ADGRB1: variants seen among roughly 807,000 people sequenced by gnomAD.
ADGRB1 encodes the protein brain-specific angiogenesis inhibitor 1.
Under a neutral mutation model 175.7 loss-of-function variants are expected in ADGRB1, and 36 were observed. That is an observed-to-expected ratio of 0.20 (90% CI 0.16 to 0.27). The LOEUF (loss-of-function observed/expected upper bound fraction) is 0.27, where lower values mean the gene tolerates loss of function less well. ADGRB1 is among the 10% of genes least tolerant of loss of function. ADGRB1 has a pLI of 1.00. For synonymous variants in ADGRB1, 1,054 were observed against 979.4 expected (o/e 1.08, Z -1.42); for missense variants, 1,731 against 2,255.3 (o/e 0.77, Z 4.71).
At position 142,464,482 on chromosome 8, in the gene ADGRB1, G is replaced by A; in HGVS notation, c.284G>A (p.Gly95Asp). The A allele has an allele frequency of 6.3e-7, 1 of 1,581,328 alleles. No individual in the cohort carries two copies. The highest frequency in any genetic ancestry group is 8.6e-7 in the Non-Finnish European group (1 of 1,168,402). Residue 95 changes from glycine to aspartate, a missense_variant, in exon 2 of 31, where the codon GGC (glycine) becomes GAC (aspartate). Around this residue, in one of 8 missense-constraint regions of ADGRB1, gnomAD observed 383 missense variants for 383.1 expected, o/e 1.00. Transcript: ENST00000517894. ...GCCAAGGCGCCCGTGCCCTGCAGCG[G>A]CCCCGGCCGCGTGCGCACCTACCAG... ...KVAKAPVPCS[G>D]PGRVRTYQFD...
At chr8:142,524,393 C>T (rs2132149642) in intron 23 of ADGRB1, 89 bp downstream of exon 23, 1 of 1,353,710 alleles carries the variant, frequency 7.4e-7, no homozygotes, top group South Asian at 1.4e-5. Flanking sequence ...ATGCCCCAGG[C>T]TGTGCACCTG....
rs1841029884 is a variant in ADGRB1 at position 142,477,261 on chromosome 8, A to G, written c.1205A>G (p.Asn402Ser). 6.4e-7 allele frequency: 1 copy of G among 1,573,880 alleles called. No homozygotes were observed. The highest frequency in any genetic ancestry group is 8.6e-7 in the Non-Finnish European group (1 of 1,161,108). ...CTGCGCGAGCAGCGGCTGTGCAACA[A>G]CTCTGCCGTGTGCCCAGGTGGGTGG... ...GPLREQRLCN[N>S]SAVCPVHGAW... is the part of the protein sequence containing the mutation. The change falls in exon 5 of 31, where the codon AAC (asparagine) becomes AGC (serine). Residue 402 changes from asparagine (N) to serine (S), a missense_variant. Around this residue, in one of 8 missense-constraint regions of ADGRB1, gnomAD observed 178 missense variants for 227.8 expected, o/e 0.78. Coordinates refer to ENST00000517894, the MANE Select transcript of ADGRB1 (RefSeq NM_001702.3).
At chr8:142,539,481 G>T (rs1009200246) in intron 27 of ADGRB1, 68 bp downstream of exon 27, 1 of 1,550,844 alleles carries the variant, frequency 6.4e-7, no homozygotes, top group East Asian at 2.4e-5. Context: ...CCACGCCTCC[G>T]CCTGTGCCTC....
At chr8:142,544,106 CCCCA>C in intron 30 of ADGRB1, 110 bp from the exon 31 acceptor site, 1 of 1,153,148 alleles carries the variant, frequency 8.7e-7, no homozygotes, top group Non-Finnish European at 1.2e-6. Context: ...GTCCCCTGTC[CCCCA>C]CCTCCCGTCC....
chr8:142,464,741 C>T lies in ADGRB1; in HGVS notation c.543C>T (p.Pro181=). 6.5e-7 allele frequency: 1 copy of T among 1,534,384 alleles called. No individual in the cohort carries two copies. ...VEYLVVGNRN[P]SRAACQMLCR... is the part of the protein sequence containing the mutation. ...ACCTGGTGGTGGGGAACCGCAACCC[C>T]AGCCGTGCCGCCTGCCAGATGCTGT... The change falls in exon 2 of 31, where the codon CCC becomes CCT. Residue 181 remains proline, a synonymous_variant. Coordinates refer to ENST00000517894, the MANE Select transcript of ADGRB1 (RefSeq NM_001702.3).
Position 142,475,495 on chromosome 8 carries a change from T to A in ADGRB1, c.806T>A (p.Leu269Gln). The A allele has an allele frequency of 1.5e-6, 2 of 1,295,554 alleles. No individual in the cohort carries two copies. Among genetic ancestry groups the A allele is most frequent in the Non-Finnish European group, 2.0e-6 (2 of 1,020,444 alleles). The allele number at this position is 1,295,554 out of a possible 1,614,324, so 80.3% of individuals were successfully genotyped here. Residue 269 changes from leucine to glutamine, a missense_variant, in exon 3 of 31, where the codon CTG becomes CAG. Coordinates refer to ENST00000517894, the MANE Select transcript of ADGRB1 (RefSeq NM_001702.3). The part of the protein sequence containing the change: ...GATGGWKLWS[L>Q]WGECTRDCGG... ...CCAGGCGGCTGGAAGCTGTGGTCCC[T>A]GTGGGGCGAATGCACGCGGGACTGC...
chr8:142,478,071 C>A, intron 6 of ADGRB1, 116 bp from the exon 7 acceptor site: 1 of 1,407,972 alleles, frequency 7.1e-7, no homozygotes, highest in Non-Finnish European at 9.7e-7. Flanking sequence ...GTGTTCTCAT[C>A]TATGTCCCAG....
chr8:142,481,162 G>A, intron 9 of ADGRB1, 92 bp from the exon 10 acceptor site: 1 of 1,195,048 alleles, frequency 8.4e-7, no homozygotes, highest in South Asian at 1.2e-5. Flanking sequence ...GGGCCACAGG[G>A]TCCCTTCCAG....
chr8:142,482,705 G>T (rs1841427239), intron 11 of ADGRB1, among the ~76,000 whole-genome samples: 2 of 147,812 alleles, frequency 1.4e-5, no homozygotes, highest in Non-Finnish European at 3.0e-5. Context: ...GTCACACACT[G>T]AGCCCTGATC....
intron 2 of ADGRB1, among the ~76,000 whole-genome samples, chr8:142,470,776 G>T (rs1401625273): frequency 6.6e-6 from 1 of 152,110 alleles, no homozygotes; most frequent in Non-Finnish European, 1.5e-5. Context: ...CCACGGAGAT[G>T]GGGTGACCTC....
rs180825299 is a variant in ADGRB1, at chr8:142,500,517, C to T, written c.2675+9702C>T. On this transcript the variant is annotated intron_variant, in intron 17 of 30. Transcript: ENST00000517894. The stretch of plus-strand genomic sequence containing the variant: ...GGGGCGGCTGCAGGGGTCCAGGCCA[C>T]GGGGATGGGCCTGGAAGGCCGTGAG... Among the ~76,000 whole-genome samples, 41 of 151,414 alleles carry T rather than the reference C, an allele frequency of 2.7e-4. No homozygotes were observed. In the East Asian group the frequency reaches 6.9e-3, roughly 25 times the overall value.
At chr8:142,477,696 G>A in intron 6 of ADGRB1, 147 bp downstream of exon 6, 2 of 1,163,148 alleles carry the variant, frequency 1.7e-6, no homozygotes, top group Admixed American at 2.8e-5. Flanking sequence ...ACTGGGTTTA[G>A]GAAGCAGACT....
intron 17 of ADGRB1, among the ~76,000 whole-genome samples, chr8:142,502,973 G>C (rs2131990500): frequency 6.6e-6 from 1 of 151,960 alleles, no homozygotes; most frequent in Admixed American, 6.5e-5. Flanking sequence ...TGGTGGTAAT[G>C]ATGGTGTTGA....
At chr8:142,536,887 C>G (rs1844958463) in intron 25 of ADGRB1, 100 bp from the exon 26 acceptor site, 3 of 1,042,024 alleles carry the variant, frequency 2.9e-6, no homozygotes, top group Non-Finnish European at 4.1e-6. Context: ...CTGCCCTTCC[C>G]CGAGACGCCC....
At chr8:142,463,737 G>C (rs1468976619) in intron 1 of ADGRB1, among the ~76,000 whole-genome samples, 1 of 152,274 alleles carries the variant, frequency 6.6e-6, no homozygotes, top group Non-Finnish European at 1.5e-5. Context: ...GGGTGGAGGC[G>C]GAGGTACTTT....
intron 18 of ADGRB1, among the ~76,000 whole-genome samples, chr8:142,516,989 G>T (rs1389025761): frequency 6.6e-6 from 1 of 152,200 alleles, no homozygotes; most frequent in African/African-American, 2.4e-5. Flanking sequence ...CATGGGGTCG[G>T]GAATGGCAGG....
chr8:142,513,749 C>G (rs1029727426), intron 18 of ADGRB1, among the ~76,000 whole-genome samples: 2 of 152,000 alleles, frequency 1.3e-5, no homozygotes, highest in African/African-American at 4.8e-5. Context: ...GAGGGGTGTG[C>G]AGGAGTTTAC....
At chr8:142,451,652 G>GACACAA (rs976048281) in intron 1 of ADGRB1, among the ~76,000 whole-genome samples, 7 of 152,094 alleles carry the variant, frequency 4.6e-5, no homozygotes, top group African/African-American at 1.7e-4. Flanking sequence ...TCTCCCCACA[G>GACACAA]ACACAAACAC....
chr8:142,457,152 G>A (rs1486933518), intron 1 of ADGRB1, among the ~76,000 whole-genome samples: 1 of 152,190 alleles, frequency 6.6e-6, no homozygotes, highest in African/African-American at 2.4e-5. Context: ...CTCTGACGCT[G>A]GGCCAAGGTG....
Sources: allele counts gnomAD v4.1 joint callset (sites outside exome capture counted in the v4.1 genomes callset), GRCh38; gene constraint gnomAD v4.1.1; regional missense constraint gnomAD v4.1.1; transcripts MANE v1.5; gene names NCBI Gene and HGNC (gene_info 2026-07-23, HGNC 2026-07-21).